Variants in MEGF6 observed in about 807,000 individuals in gnomAD.
MEGF6 encodes multiple EGF like domains 6.
A neutral mutation model predicts 207.1 loss-of-function variants in MEGF6; 184 were observed. The ratio of observed to expected loss-of-function variants is 0.89; its 90% CI spans 0.79 to 1.00. The LOEUF (loss-of-function observed/expected upper bound fraction) is 1.00, where lower values mean the gene tolerates loss of function less well. Ranked by LOEUF, MEGF6 falls within the 50% of genes least tolerant of loss-of-function variation. The pLI is 0.00. For missense variants in MEGF6, 2,282 were observed against 2,202.9 expected (o/e 1.04, Z -0.72); for synonymous variants, 1,038 against 910.0 (o/e 1.14, Z -2.53).
intron 2 of MEGF6, among the ~76,000 whole-genome samples, chr1:3,600,316 C>T (rs1332209640): frequency 6.6e-6 from 1 of 152,200 alleles, no homozygotes; most frequent in African/African-American, 2.4e-5. Context: ...GGCCTGTGCC[C>T]ACCTCCACGA....
intron 4 of MEGF6, among the ~76,000 whole-genome samples, chr1:3,567,753 A>G (rs1643388300): frequency 6.6e-6 from 1 of 152,126 alleles, no homozygotes; most frequent in African/African-American, 2.4e-5. Flanking sequence ...CGCTGCAGCG[A>G]CCTTGAAGGA....
chr1:3,600,561 G>A (rs904272327), intron 2 of MEGF6, among the ~76,000 whole-genome samples: 22 of 152,288 alleles, frequency 1.4e-4, no homozygotes, highest in African/African-American at 4.6e-4. Context: ...GCCTCAGGCC[G>A]GTGCTCCAGG....
intron 4 of MEGF6, among the ~76,000 whole-genome samples, chr1:3,531,802 G>C (rs1488966411): frequency 6.6e-6 from 1 of 152,078 alleles, no homozygotes; most frequent in Non-Finnish European, 1.5e-5. Context: ...AGCCGTCCTG[G>C]CCGGGCCGCG....
chr1:3,514,545 C>T lies in MEGF6; in HGVS notation c.853+5G>A, dbSNP rs769971544. ...GCGGGGCGGAGCAGGGGAGGGGCGT[C>T]CTACCTTCACAGGCCTTGCCGTCCG... On this transcript the variant is annotated splice_donor_5th_base_variant and intron_variant, in intron 7 of 36. Coordinates refer to ENST00000356575, the MANE Select transcript of MEGF6 (RefSeq NM_001409.4). 3 of 1,589,592 alleles carry T rather than the reference C, an allele frequency of 1.9e-6. No individual in the cohort carries two copies. Among genetic ancestry groups the T allele is most frequent in the South Asian group, 2.3e-5 (2 of 88,112 alleles).
chr1:3,618,120 C>G, the MEGF6 span, among the ~76,000 whole-genome samples: 1 of 152,288 alleles, frequency 6.6e-6, no homozygotes, highest in South Asian at 2.1e-4. The surrounding 1 kb of genome is among the most constrained non-coding windows in gnomAD (Gnocchi z 4.7). Context: ...CCCATCACCC[C>G]GGCGCCATCC....
upstream of MEGF6, among the ~76,000 whole-genome samples, chr1:3,615,406 G>A (rs1644369502): frequency 6.6e-6 from 1 of 152,210 alleles, no homozygotes. Context: ...CTCTTTCCAA[G>A]TGGGGGCTTC....
the MEGF6 span, among the ~76,000 whole-genome samples, chr1:3,618,760 GC>G: frequency 9.8e-5 from 15 of 152,292 alleles, no homozygotes; most frequent in South Asian, 2.9e-3. The surrounding 1 kb of genome is among the most constrained non-coding windows in gnomAD (Gnocchi z 4.7). Context: ...GACCCGCCAA[GC>G]CCCAGCCCTG....
At chr1:3,502,017 G>GCCCCCCACACCT (rs1640901396) in intron 17 of MEGF6, 96 bp from the exon 18 acceptor site, 7 of 872,154 alleles carry the variant, frequency 8.0e-6, no homozygotes, top group Admixed American at 6.1e-5. Context: ...TGCCCCCTGT[G>GCCCCCCACACCT]CCTCACATGG....
intron 4 of MEGF6, among the ~76,000 whole-genome samples, chr1:3,555,173 A>T (rs935473086): frequency 2.8e-5 from 1 of 36,264 alleles, no homozygotes; most frequent in Admixed American, 2.3e-4. Flanking sequence ...CCACCCACCC[A>T]CCCACCCAGG....
rs1557718230 is a variant in MEGF6 at position 3,498,673 on chromosome 1, CCCT to C, written c.3223+22_3223+24del. On this transcript the variant is annotated intron_variant, in intron 25 of 36. Coordinates refer to ENST00000356575, the MANE Select transcript of MEGF6 (RefSeq NM_001409.4). ...CTGCACCAAGCATGCTGGGGTATGT[CCCT>C]CCTCTGCCGCCCAGCGCTCACCCTT... 2.6e-6 allele frequency: 4 copies of C among 1,539,592 alleles called. No homozygotes were observed. In the South Asian group the frequency reaches 4.7e-5, roughly 18 times the overall value.
At chr1:3,511,938 C>A (rs1641364353) in intron 8 of MEGF6, 68 bp downstream of exon 8, 11 of 1,603,792 alleles carry the variant, frequency 6.9e-6, no homozygotes, top group South Asian at 4.4e-5. Context: ...CCAAAGCAGG[C>A]CTCGGGGTCC....
chr1:3,619,317 T>C, the MEGF6 span, among the ~76,000 whole-genome samples: 1 of 152,172 alleles, frequency 6.6e-6, no homozygotes, highest in Non-Finnish European at 1.5e-5. Flanking sequence ...ACGACCAGTG[T>C]GTGTGGAGAG....
the MEGF6 span, among the ~76,000 whole-genome samples, chr1:3,621,200 G>A: frequency 1.3e-5 from 2 of 152,208 alleles, no homozygotes; most frequent in African/African-American, 4.8e-5. Flanking sequence ...AAACTCCCCT[G>A]GGGAAAGGGA....
At chr1:3,507,394 C>A (rs1281214104) in intron 14 of MEGF6, among the ~76,000 whole-genome samples, 1 of 152,216 alleles carries the variant, frequency 6.6e-6, no homozygotes, top group South Asian at 2.1e-4. Flanking sequence ...TCATCCCTTG[C>A]AGCCACTGGC....
intron 1 of MEGF6, among the ~76,000 whole-genome samples, chr1:3,603,046 G>T (rs1301703270): frequency 6.6e-6 from 1 of 152,164 alleles, no homozygotes; most frequent in Non-Finnish European, 1.5e-5. Flanking sequence ...ACATGGCTGG[G>T]GTGAACCCGG....
chr1:3,492,940 C>A (rs887361382), intron 34 of MEGF6, 173 bp from the exon 35 acceptor site: 2 of 778,406 alleles, frequency 2.6e-6, no homozygotes, highest in Non-Finnish European at 4.0e-6. Context: ...AGTAAACAGT[C>A]CCTGCCCTGC....
At chr1:3,502,124 C>T (rs1358401709) in intron 17 of MEGF6, among the ~76,000 whole-genome samples, 2 of 152,020 alleles carry the variant, frequency 1.3e-5, no homozygotes, top group African/African-American at 4.8e-5. Context: ...CTCTAGCCCC[C>T]GGGGGTGGGG....
chr1:3,552,452 T>A (rs897003737), intron 4 of MEGF6, among the ~76,000 whole-genome samples: 2 of 152,220 alleles, frequency 1.3e-5, no homozygotes, highest in African/African-American at 4.8e-5. Flanking sequence ...ATCCCAGCAC[T>A]CTGGGAGGCC....
intron 18 of MEGF6, 50 bp from the exon 19 acceptor site, chr1:3,501,358 C>T (rs763188709): frequency 1.3e-6 from 2 of 1,553,846 alleles, no homozygotes; most frequent in Non-Finnish European, 1.7e-6. Context: ...CCTTGCTCAA[C>T]ACATCAACAT....
Sources: gnomAD v4.1 joint callset for allele counts (sites outside exome capture counted in the v4.1 genomes callset) on GRCh38, gnomAD v4.1.1 for gene constraint, Gnocchi (gnomAD v3.1) non-coding constraint, MANE v1.5 for transcripts, NCBI Gene and HGNC (gene_info 2026-07-23, HGNC 2026-07-21) for gene names.